The following MYH16 variants were observed in gnomAD, a reference collection of about 807,000 sequenced individuals.
MYH16 encodes the protein myosin heavy chain 16.
At chr7:99,263,354 C>A in exon 14 of MYH16, 1 of 153,990 alleles carries the variant, frequency 6.5e-6, no homozygotes. Flanking sequence ...ACATCACAGG[C>A]TGGCTGGAGA....
exon 3 of MYH16, chr7:99,247,743 G>A (rs1034898037): frequency 5.7e-6 from 1 of 175,994 alleles, no homozygotes; most frequent in African/African-American, 2.4e-5. Context: ...ACCACGACAT[G>A]CTTATGGGTG....
chr7:99,260,348 C>A, intron 12 of MYH16: 1 of 1,206,140 alleles, frequency 8.3e-7, no homozygotes, highest in Admixed American at 1.8e-5. Context: ...ACTTGCTTCT[C>A]AAAGGAGGGA....
chr7:99,253,998 C>T (rs1337168779), intron 8 of MYH16: 1 of 152,240 alleles, frequency 6.6e-6, no homozygotes, highest in African/African-American at 2.4e-5. Context: ...CCTGTAACCC[C>T]AGGACTTTGG....
chr7:99,298,524 T>A (rs777323276), intron 36 of MYH16, among the ~76,000 whole-genome samples: 1 of 152,194 alleles, frequency 6.6e-6, no homozygotes, highest in Non-Finnish European at 1.5e-5. Flanking sequence ...TGAGCCATCG[T>A]GCCCGGCCTA....
chr7:99,305,398 C>T (rs1383070561), intron 40 of MYH16, among the ~76,000 whole-genome samples: 1 of 152,142 alleles, frequency 6.6e-6, no homozygotes, highest in Non-Finnish European at 1.5e-5. Context: ...GAAAACAAGC[C>T]TTAGTCTTTA....
At chr7:99,279,595 T>C (rs1219237313) in exon 22 of MYH16, 14 of 456,368 alleles carry the variant, frequency 3.1e-5, no homozygotes, top group African/African-American at 1.4e-4. Flanking sequence ...ATCTCAGACA[T>C]GCGGGAGCGG....
At chr7:99,292,673 C>G (rs756272261) in intron 32 of MYH16, among the ~76,000 whole-genome samples, 165 bp downstream of exon 13, 4 of 152,228 alleles carry the variant, frequency 2.6e-5, no homozygotes, top group Non-Finnish European at 5.9e-5. Context: ...GGAGCCTGCT[C>G]TGTGGGCCAG....
chr7:99,256,906 G>C (rs1318260367), intron 9 of MYH16, among the ~76,000 whole-genome samples: 1 of 151,862 alleles, frequency 6.6e-6, no homozygotes, highest in Non-Finnish European at 1.5e-5. Context: ...AGCCATGATC[G>C]TGCCACTGCA....
At chr7:99,246,814 GTA>G (rs925387408) in intron 2 of MYH16, among the ~76,000 whole-genome samples, 4 of 152,126 alleles carry the variant, frequency 2.6e-5, no homozygotes, top group African/African-American at 9.7e-5. Flanking sequence ...ACCTTCTGCA[GTA>G]TATATGTTAC....
chr7:99,275,975 G>A (rs980104990), intron 20 of MYH16, among the ~76,000 whole-genome samples: 7 of 152,156 alleles, frequency 4.6e-5, no homozygotes, highest in Non-Finnish European at 1.0e-4. Context: ...TGATCTGCCC[G>A]CCTTGGCCTC....
downstream of MYH16, among the ~76,000 whole-genome samples, chr7:99,307,054 G>T (rs375352955): frequency 4.6e-5 from 7 of 152,260 alleles, no homozygotes; most frequent in African/African-American, 1.7e-4. Context: ...CTCGGGTGGG[G>T]TGCTGTTCAC....
exon 11 of MYH16, chr7:99,258,124 G>A (rs1419906300): frequency 6.6e-6 from 1 of 152,608 alleles, no homozygotes; most frequent in African/African-American, 2.4e-5. Context: ...CTACTCAGTG[G>A]CTGACAAAGT....
intron 18 of MYH16, among the ~76,000 whole-genome samples, chr7:99,270,167 G>T (rs911567678): frequency 5.3e-5 from 8 of 151,750 alleles, no homozygotes; most frequent in African/African-American, 1.9e-4. Flanking sequence ...GCCTGGCCTG[G>T]GGGGATTTTT....
chr7:99,256,753 C>T lies in MYH16; in HGVS notation n.997-549C>T, dbSNP rs763152447. 4.6e-5 allele frequency among the ~76,000 whole-genome samples: 7 copies of T among 152,012 alleles called. No individual in the cohort carries two copies. The East Asian group carries it at 5.8e-4, about 13-fold the overall frequency. On this transcript the variant is annotated intron_variant and non_coding_transcript_variant, in intron 9 of 41. Coordinates refer to ENST00000439784, the Ensembl canonical transcript of MYH16. The stretch of plus-strand genomic sequence containing the variant: ...TTGTGCCACTGCATTCCAGACTGGG[C>T]GACAGAGGGAGGACTCCATCTATAA...
chr7:99,260,199 C>T, exon 12 of MYH16: 4 of 1,610,568 alleles, frequency 2.5e-6, no homozygotes, highest in Non-Finnish European at 3.4e-6. Context: ...TCAACTTCAC[C>T]AACGAGAAGC....
chr7:99,308,252 G>A (rs1305529863), downstream of MYH16, among the ~76,000 whole-genome samples: 2 of 129,702 alleles, frequency 1.5e-5, no homozygotes, highest in Non-Finnish European at 3.1e-5. Context: ...CCAAGATCAC[G>A]CCACTGCACT....
intron 37 of MYH16, among the ~76,000 whole-genome samples, chr7:99,300,610 T>G (rs1024414037): frequency 3.9e-4 from 60 of 152,262 alleles, no homozygotes; most frequent in African/African-American, 1.3e-3. Context: ...AGTTCGTGAC[T>G]GGCCTGGGCA....
chr7:99,281,510 C>G (rs757733044), intron 23 of MYH16, among the ~76,000 whole-genome samples: 27 of 152,134 alleles, frequency 1.8e-4, no homozygotes, highest in Admixed American at 2.6e-4. Flanking sequence ...TGCAGTGAGC[C>G]AAGATTGCGC....
chr7:99,259,264 G>T (rs1791910898), intron 11 of MYH16, among the ~76,000 whole-genome samples: 1 of 152,096 alleles, frequency 6.6e-6, no homozygotes, highest in African/African-American at 2.4e-5. Flanking sequence ...GATCCATAGA[G>T]CATTTCGAGT....
Sources: allele counts gnomAD v4.1 joint callset (sites outside exome capture counted in the v4.1 genomes callset), GRCh38; gene constraint gnomAD v4.1.1; transcripts MANE v1.5; gene names NCBI Gene and HGNC (gene_info 2026-07-23, HGNC 2026-07-21).